Variants in TBC1D17 observed in about 807,000 individuals in gnomAD.
TBC1D17 encodes the protein TBC1 domain family member 17.
A neutral mutation model predicts 78.8 loss-of-function variants in TBC1D17; 69 were observed. That is an observed-to-expected ratio of 0.88 (90% CI 0.72 to 1.07). TBC1D17 has a LOEUF of 1.07. Among genes scored for constraint, TBC1D17 ranks in the 50% least tolerant of loss-of-function variants. The probability of loss-of-function intolerance (pLI) is 0.00; values close to 1 mark genes in which losing one functional copy is unlikely to be tolerated. For synonymous variants in TBC1D17, 456 were observed against 358.3 expected, an observed-to-expected ratio of 1.27 and a Z score of -3.08; for missense variants, 957 against 861.0, an observed-to-expected ratio of 1.11 and a Z score of -1.39.
chr19:49,887,782 T>C lies in TBC1D17; in HGVS notation c.1607T>C (p.Met536Thr). The C allele has an allele frequency of 6.2e-7, 1 of 1,613,084 alleles. No individual in the cohort carries two copies. The highest frequency in any genetic ancestry group is 8.5e-7 in the Non-Finnish European group (1 of 1,179,760). The stretch of plus-strand genomic sequence containing the variant: ...CTGGTGGCCTGCGCCATCCTGGACA[T>C]GGAGAGGGACACCCTCATGCTGTCC... ...HLLVACAILD[M>T]ERDTLMLSGF... is the part of the protein sequence containing the mutation. The change falls in exon 15 of 17, where the codon ATG becomes ACG. Residue 536 changes from methionine (M) to threonine (T), a missense_variant. Transcript: ENST00000221543.
At chr19:49,882,485 CTT>C in intron 7 of TBC1D17, 85 bp downstream of exon 7, 3 of 1,537,990 alleles carry the variant, frequency 2.0e-6, no homozygotes, top group Non-Finnish European at 2.6e-6. Context: ...TCAGTTTCCT[CTT>C]TGGTAAAACG....
At chr19:49,878,465 G>A (rs1204046811) in intron 2 of TBC1D17, 33 bp from the exon 3 acceptor site, 3 of 1,589,490 alleles carry the variant, frequency 1.9e-6, no homozygotes, top group Admixed American at 3.4e-5. Flanking sequence ...GGTTTGGGGA[G>A]CGCCTCTAAC....
chr19:49,882,173 G>T, intron 6 of TBC1D17, 21 bp downstream of exon 6: 1 of 1,613,856 alleles, frequency 6.2e-7, no homozygotes, highest in Non-Finnish European at 8.5e-7. Context: ...CCAGCAGGAG[G>T]CCTGGCGGGT....
chr19:49,885,974 CAAAAAAAAA>C (rs972298479), intron 13 of TBC1D17, among the ~76,000 whole-genome samples: 1 of 43,540 alleles, frequency 2.3e-5, no homozygotes, highest in Non-Finnish European at 4.5e-5. Flanking sequence ...GACCTTGCCT[CAAAAAAAAA>C]AAAAAAAAAA....
chr19:49,879,367 T>C (rs1431764521), intron 3 of TBC1D17: 1 of 152,212 alleles, frequency 6.6e-6, no homozygotes, highest in African/African-American at 2.4e-5. Context: ...GACGAGACAC[T>C]GGAAGGCTGA....
chr19:49,878,746 G>A, intron 3 of TBC1D17, 174 bp downstream of exon 3: 2 of 614,742 alleles, frequency 3.3e-6, no homozygotes, highest in South Asian at 4.0e-5. Context: ...AATGGGCAGA[G>A]GATGCCCATT....
rs1021867923 is a variant in TBC1D17, at chr19:49,882,057, C to T, written c.544C>T (p.Arg182Cys). Residue 182 changes from arginine (R) to cysteine (C), a missense_variant, in exon 6 of 17, where the codon CGC becomes TGC. Arg to Cys is a radical substitution (Grantham distance 180). Coordinates refer to ENST00000221543, the MANE Select transcript of TBC1D17 (RefSeq NM_024682.3). ...LLLASSPQDS[R>C]LYLVFPHDSS... The stretch of plus-strand genomic sequence containing the variant: ...GCCTCCCAGCTCCCCGCAGGACTCC[C>T]GCCTCTACCTTGTCTTCCCCCACGA... The T allele has an allele frequency of 4.3e-6, 7 of 1,613,942 alleles. No individual in the cohort carries two copies. Among genetic ancestry groups the T allele is most frequent in the African/African-American group, 2.7e-5 (2 of 74,928 alleles).
At position 49,881,269 on chromosome 19, in the gene TBC1D17, T is replaced by G; in HGVS notation, c.321T>G (p.Gly107=). ...PQLCHSEPTR[G]AEPSCPQGSW... ...CCCAACACAGTGCCGTCTCCCTAGG[T>G]GCAGAGCCCAGCTGCCCCCAGGGCT... The change falls in exon 5 of 17, where the codon GGT becomes GGG. Residue 107 remains glycine (G), a splice_region_variant and synonymous_variant. Transcript: ENST00000221543. 6.2e-7 allele frequency: 1 copy of G among 1,612,396 alleles called. No individual in the cohort carries two copies. Among genetic ancestry groups the G allele is most frequent in the South Asian group, 1.1e-5 (1 of 91,052 alleles).
At chr19:49,887,429 A>G in intron 13 of TBC1D17, 47 bp from the exon 14 acceptor site, 1 of 1,575,768 alleles carries the variant, frequency 6.3e-7, no homozygotes, top group Non-Finnish European at 8.7e-7. Flanking sequence ...TCAAACTCTC[A>G]GTCCCAGCGC....
At position 49,888,692 on chromosome 19, in the gene TBC1D17, G is replaced by A; in HGVS notation, c.*68G>A. ...GCCAGGCACACCTGCGAGGGGGCAG[G>A]TGTGCTCCGCCGCCCTGCTGATAAG... is the stretch of plus-strand genomic sequence containing the variant. On this transcript the variant is annotated 3_prime_UTR_variant, in exon 17 of 17. Transcript: ENST00000221543. The A allele has an allele frequency of 7.2e-7, 1 of 1,383,326 alleles. No homozygotes were observed. The highest frequency in any genetic ancestry group is 9.6e-7 in the Non-Finnish European group (1 of 1,036,518). 85.7% of individuals were successfully genotyped at this position (1,383,326 alleles called of 1,614,324 possible).
At chr19:49,878,651 C>T in intron 3 of TBC1D17, 79 bp downstream of exon 3, 14 of 1,377,222 alleles carry the variant, frequency 1.0e-5, no homozygotes, top group Non-Finnish European at 1.4e-5. Flanking sequence ...GAGGGACCTG[C>T]GTACAATCCC....
chr19:49,883,184 A>T, intron 9 of TBC1D17, 108 bp downstream of exon 9: 1 of 983,574 alleles, frequency 1.0e-6, no homozygotes, highest in Non-Finnish European at 1.5e-6. Flanking sequence ...GTATCTGGGC[A>T]CCATCCTGCG....
Position 49,888,733 on chromosome 19 carries a change from T to G in TBC1D17, c.*109T>G. On this transcript the variant is annotated 3_prime_UTR_variant, in exon 17 of 17. Coordinates refer to ENST00000221543, the MANE Select transcript of TBC1D17 (RefSeq NM_024682.3). ...TGCTGATAAGCTGGCTTCATTAAAC[T>G]GACACTTCTCATGTGCAGTTGGCTT... 9.5e-7 allele frequency: 1 copy of G among 1,053,538 alleles called. No homozygotes were observed. The highest frequency in any genetic ancestry group is 1.7e-5 in the South Asian group (1 of 60,348). 65.3% of individuals were successfully genotyped at this position (1,053,538 alleles called of 1,614,324 possible). A position where few individuals can be genotyped will look rare whatever the true frequency, so the allele number is the denominator to read the frequency against.
chr19:49,885,472 A>G (rs2075051474), intron 13 of TBC1D17: 1 of 145,068 alleles, frequency 6.9e-6, no homozygotes, highest in South Asian at 2.2e-4. Flanking sequence ...AAAAAAAAAT[A>G]TATTCTTTAT....
Position 49,878,154 on chromosome 19 carries a change from G to T in TBC1D17, c.33G>T (p.Glu11Asp). 6.3e-7 allele frequency: 1 copy of T among 1,578,012 alleles called. No homozygotes were observed. The highest frequency in any genetic ancestry group is 8.6e-7 in the Non-Finnish European group (1 of 1,162,432). The change falls in exon 2 of 17, where the codon GAG becomes GAT. Residue 11 changes from glutamate (E) to aspartate (D), a missense_variant. Coordinates refer to ENST00000221543, the MANE Select transcript of TBC1D17 (RefSeq NM_024682.3). MEGAGYRVVF[E>D]KGGVYLHTSA... The stretch of plus-strand genomic sequence containing the variant: ...TCCCCCCAACTCAGGTGGTGTTTGA[G>T]AAGGGCGGAGTGTACCTGCACACCA...
At position 49,882,729 on chromosome 19, in the gene TBC1D17, G is replaced by T. The variant is rs147793422; in HGVS notation, c.799-35G>T. 7.2e-5 allele frequency: 108 copies of T among 1,498,638 alleles called. No individual in the cohort carries two copies. In the African/African-American group the frequency reaches 1.4e-3, roughly 20 times the overall value. The allele number at this position is 1,498,638 out of a possible 1,614,324, so 92.8% of individuals were successfully genotyped here. On this transcript the variant is annotated intron_variant, in intron 7 of 16. Transcript: ENST00000221543. The stretch of plus-strand genomic sequence containing the variant: ...CTGGGTTGGGTCCCCCCACCACCCC[G>T]CCGAGCCCCAGGCTCATTTGCTCTT...
rs772758834 is a variant in TBC1D17 at position 49,887,864 on chromosome 19, C to G, written c.1659+30C>G. On this transcript the variant is annotated intron_variant, in intron 15 of 16. Transcript: ENST00000221543. ...GGCTCCGGCCCCGCCCCCGCCCTGT[C>G]CCCCCTGAGCTGGGCGCTGCCCAGG... 31 of 1,551,226 alleles carry G rather than the reference C, an allele frequency of 2.0e-5. No individual in the cohort carries two copies. In the East Asian group the frequency reaches 5.7e-4, roughly 28 times the overall value.
rs1442733295 is a variant in TBC1D17 at position 49,882,413 on chromosome 19, T to C, written c.798+13T>C. The C allele has an allele frequency of 5.6e-6, 9 of 1,594,946 alleles. No homozygotes were observed. The Middle Eastern group carries it at 1.3e-3, about 235-fold the overall frequency. On this transcript the variant is annotated intron_variant, in intron 7 of 16. Transcript: ENST00000221543. ...GGTCATTTCCTGTGTGAGTAGTGAGTGGACCCTCCCTGTTATTTCTGGCCG... is the reference window on the plus strand; with the variant it reads ...GGTCATTTCCTGTGTGAGTAGTGAGCGGACCCTCCCTGTTATTTCTGGCCG...
chr19:49,882,216 T>C (rs2075021263), intron 6 of TBC1D17, 26 bp from the exon 7 acceptor site: 1 of 1,612,666 alleles, frequency 6.2e-7, no homozygotes, highest in African/African-American at 1.3e-5. Context: ...GGGCGGGCCG[T>C]GACCTCCCTT....
Sources: allele counts gnomAD v4.1 joint callset (sites outside exome capture counted in the v4.1 genomes callset), GRCh38; gene constraint gnomAD v4.1.1; transcripts MANE v1.5; gene names NCBI Gene and HGNC (gene_info 2026-07-23, HGNC 2026-07-21).